WIPF1: variants seen among roughly 807,000 people sequenced by gnomAD.
WIPF1 encodes the protein WAS/WASL-interacting protein family member 1.
WIPF1 carries 13 observed loss-of-function variants against 35.4 expected under a neutral mutation model. That is an observed-to-expected ratio of 0.37 (90% confidence interval 0.24 to 0.58). The LOEUF (loss-of-function observed/expected upper bound fraction) is 0.58. Among genes scored for constraint, WIPF1 ranks in the 20% least tolerant of loss-of-function variants. WIPF1 has a pLI of 0.74. For synonymous variants in WIPF1, 267 were observed against 266.3 expected (o/e 1.00, Z -0.02); for missense variants, 591 against 667.0 (o/e 0.89, Z 1.25).
chr2:174,597,725 G>T lies in WIPF1; in HGVS notation c.-163C>A, dbSNP rs988377790. 1 of 152,548 alleles carries T rather than the reference G, an allele frequency of 6.6e-6. No homozygotes were observed. Among genetic ancestry groups the T allele is most frequent in the Non-Finnish European group, 1.5e-5 (1 of 68,028 alleles). The allele number at this position is 152,548 out of a possible 1,614,324, so 9.4% of individuals were successfully genotyped here. A position where few individuals can be genotyped will look rare whatever the true frequency, so the allele number is the denominator to read the frequency against. ...CATCTTCTAACGCAAGTGTGGGGTC[G>T]TTTTTGGACAGCCATTTTGGACAAG... On this transcript the variant is annotated 5_prime_UTR_variant, in exon 1 of 8. Coordinates refer to ENST00000679041, the MANE Select transcript of WIPF1 (RefSeq NM_001375834.1).
Position 174,585,554 on chromosome 2 carries a change from G to A in WIPF1, c.20C>T (p.Pro7Leu). The change falls in exon 2 of 8, where the codon CCA (proline) becomes CTA (leucine). Residue 7 changes from proline (P) to leucine (L), a missense_variant. Around this residue, in one of 3 missense-constraint regions of WIPF1, gnomAD observed 471 missense variants for 501.1 expected, o/e 0.94. Transcript: ENST00000679041. ...AAACGTCGGGGGCGGCGGGGGTGCT[G>A]GAGGGGGAGGGACAGGCATCTTGGG... is the stretch of plus-strand genomic sequence containing the variant. The part of the protein sequence containing the change: MPVPPP[P>L]APPPPPTFAL... 3.1e-6 allele frequency: 5 copies of A among 1,611,914 alleles called. No homozygotes were observed. In the South Asian group the frequency reaches 3.3e-5, roughly 11 times the overall value.
chr2:174,568,025 C>G lies in WIPF1; in HGVS notation c.1178G>C (p.Arg393Pro). The G allele has an allele frequency of 6.2e-7, 1 of 1,613,632 alleles. No homozygotes were observed. The highest frequency in any genetic ancestry group is 8.5e-7 in the Non-Finnish European group (1 of 1,180,022). ...CAACTGAGGGGTAGCAGGCAGGGCC[C>G]GAGATGTGCTGCCGTTTCTGCTTAC... The part of the protein sequence containing the change: ...PPVSRNGSTS[R>P]ALPATPQLPS... Residue 393 changes from arginine (R) to proline (P), a missense_variant, in exon 6 of 8, where the codon CGG (arginine) becomes CCG (proline). By Grantham distance (103) the Arg-to-Pro change is moderately radical. This residue lies in a region of WIPF1 where 117 missense variants were observed against 149.6 expected (regional missense o/e 0.78). Transcript: ENST00000679041.
Position 174,559,880 on chromosome 2 carries a change from T to C in WIPF1, c.*2667A>G, listed in dbSNP as rs1684440185. On this transcript the variant is annotated 3_prime_UTR_variant, in exon 8 of 8. Transcript: ENST00000679041. ...ACAGTTTTTACAAATATGCAAATAA[T>C]CTACTACTTAGACATAAAAAAAAGT... The C allele has an allele frequency of 6.6e-6, 1 of 152,616 alleles. No homozygotes were observed. Among genetic ancestry groups the C allele is most frequent in the African/African-American group, 2.4e-5 (1 of 41,454 alleles). 9.5% of individuals were successfully genotyped at this position (152,616 alleles called of 1,614,324 possible). A position where few individuals can be genotyped will look rare whatever the true frequency, so the allele number is the denominator to read the frequency against.
At chr2:174,609,011 A>G (rs951595975) in intron 1 of WIPF1, among the ~76,000 whole-genome samples, 1 of 151,918 alleles carries the variant, frequency 6.6e-6, no homozygotes, top group Non-Finnish European at 1.5e-5. Flanking sequence ...AGACTCCCCT[A>G]GGGGCCCTCT....
chr2:174,668,765 A>G (rs1317331439), intron 1 of WIPF1, among the ~76,000 whole-genome samples: 1 of 152,238 alleles, frequency 6.6e-6, no homozygotes, highest in Non-Finnish European at 1.5e-5. Flanking sequence ...TGCATGCAAC[A>G]AACAGAGGGA....
At position 174,581,157 on chromosome 2, in the gene WIPF1, C is replaced by T. The variant is rs1685228574; in HGVS notation, c.181+153G>A. 6 of 1,062,966 alleles carry T rather than the reference C, an allele frequency of 5.6e-6. No homozygotes were observed. In the South Asian group the frequency reaches 9.4e-5, roughly 17 times the overall value. 65.8% of individuals were successfully genotyped at this position (1,062,966 alleles called of 1,614,324 possible). The stretch of plus-strand genomic sequence containing the variant: ...AGGGGAACCCAAGCCAAAGCTGCGG[C>T]CTACAGGGAGTGATACAGTCCCTTA... On this transcript the variant is annotated intron_variant, in intron 3 of 7. Coordinates refer to ENST00000679041, the MANE Select transcript of WIPF1 (RefSeq NM_001375834.1).
intron 1 of WIPF1, among the ~76,000 whole-genome samples, chr2:174,593,552 T>A (rs1685696028): frequency 6.6e-6 from 1 of 152,222 alleles, no homozygotes; most frequent in Non-Finnish European, 1.5e-5. Flanking sequence ...TAGATACTCC[T>A]CCATGATGCA....
intron 1 of WIPF1, among the ~76,000 whole-genome samples, chr2:174,655,114 C>T (rs1687614853): frequency 6.6e-6 from 1 of 152,154 alleles, no homozygotes; most frequent in South Asian, 2.1e-4. Flanking sequence ...GAGACCATGA[C>T]TGGCTGCCCA....
intron 1 of WIPF1, among the ~76,000 whole-genome samples, chr2:174,644,784 T>C (rs1317465723): frequency 6.6e-6 from 1 of 152,224 alleles, no homozygotes; most frequent in Non-Finnish European, 1.5e-5. Flanking sequence ...ACCTGCTGAA[T>C]GGCTAGAATT....
intron 5 of WIPF1, chr2:174,568,869 A>AT (rs1220592288): frequency 6.6e-6 from 1 of 152,172 alleles, no homozygotes; most frequent in Non-Finnish European, 1.5e-5. Flanking sequence ...ACTTGAAACC[A>AT]TTTTTTAAAA....
upstream of WIPF1, among the ~76,000 whole-genome samples, chr2:174,600,377 C>T (rs868606158): frequency 2.0e-5 from 3 of 152,206 alleles, no homozygotes; most frequent in Admixed American, 6.5e-5. Context: ...CCTCCAATGA[C>T]TTCTCATTTC....
At chr2:174,681,200 G>A (rs897093363) in intron 1 of WIPF1, among the ~76,000 whole-genome samples, 33 of 152,178 alleles carry the variant, frequency 2.2e-4, no homozygotes, top group African/African-American at 6.3e-4. Flanking sequence ...ACAATATTAC[G>A]GAACTGGTTT....
chr2:174,595,885 G>T (rs1021547113), intron 1 of WIPF1, among the ~76,000 whole-genome samples: 1 of 152,192 alleles, frequency 6.6e-6, no homozygotes. Flanking sequence ...TGGACAAAAT[G>T]AGTCAAACCT....
intron 1 of WIPF1, among the ~76,000 whole-genome samples, chr2:174,605,070 C>G (rs1028335534): frequency 2.0e-5 from 3 of 152,174 alleles, no homozygotes; most frequent in Non-Finnish European, 4.4e-5. Context: ...ACATTATAGA[C>G]GTGGAGACTG....
rs1033892508 is a variant in WIPF1, at chr2:174,571,683, G to T, written c.1122C>A (p.Gly374=). 1.2e-6 allele frequency: 2 copies of T among 1,614,178 alleles called. No homozygotes were observed. Among genetic ancestry groups the T allele is most frequent in the Non-Finnish European group, 1.7e-6 (2 of 1,180,034 alleles). Residue 374 remains glycine, a synonymous_variant, in exon 5 of 8, where the codon GGC becomes GGA. Coordinates refer to ENST00000679041, the MANE Select transcript of WIPF1 (RefSeq NM_001375834.1). The surrounding 1 kb of genome is among the most constrained non-coding windows in gnomAD (Gnocchi z 4.6). ...RPPPPVRDPP[G]RSGPLPPPPP... ...CTCCACGTCTTGTCATACCTGATCG[G>T]CCTGGCGGGTCCCTCACTGGAGGTG...
chr2:174,659,824 T>C (rs1436442302), intron 1 of WIPF1, among the ~76,000 whole-genome samples: 3 of 152,230 alleles, frequency 2.0e-5, no homozygotes, highest in African/African-American at 2.4e-5. Context: ...TTAACTTTCC[T>C]ATATTCCACT....
chr2:174,657,151 C>G (rs1370371279), intron 1 of WIPF1, among the ~76,000 whole-genome samples: 1 of 152,184 alleles, frequency 6.6e-6, no homozygotes, highest in Non-Finnish European at 1.5e-5. Context: ...ATTGCTACTT[C>G]TAATAATTGC....
Position 174,618,592 on chromosome 2 carries a change from G to A in WIPF1, c.-38-32981C>T, listed in dbSNP as rs548297649. 9.8e-5 allele frequency among the ~76,000 whole-genome samples: 15 copies of A among 152,310 alleles called. No homozygotes were observed. In the South Asian group the frequency reaches 3.1e-3, roughly 32 times the overall value. On this transcript the variant is annotated intron_variant, in intron 1 of 8. Coordinates refer to the WIPF1 transcript ENST00000272746. ...TACTGAGCTCTGATTATGTGCTAAGGAGTGTTCTAGGTGCTTTTATAAGTA... is the reference window on the plus strand; with the variant it reads ...TACTGAGCTCTGATTATGTGCTAAGAAGTGTTCTAGGTGCTTTTATAAGTA...
chr2:174,611,843 G>C (rs181458360), intron 1 of WIPF1, among the ~76,000 whole-genome samples: 1 of 152,148 alleles, frequency 6.6e-6, no homozygotes, highest in Non-Finnish European at 1.5e-5. Context: ...ACACTGTCTA[G>C]GGTTAACTTT....
Sources: gnomAD v4.1 joint callset for allele counts (sites outside exome capture counted in the v4.1 genomes callset) on GRCh38, gnomAD v4.1.1 for gene constraint, gnomAD v4.1.1 regional missense constraint, Gnocchi (gnomAD v3.1) non-coding constraint, MANE v1.5 for transcripts, NCBI Gene and HGNC (gene_info 2026-07-23, HGNC 2026-07-21) for gene names.